Variants in CFH observed in about 807,000 individuals in gnomAD.
CFH encodes complement factor H.
Under a neutral mutation model 147.3 loss-of-function variants are expected in CFH, and 53 were observed. The observed-to-expected ratio is 0.36, with a 90% CI of 0.29 to 0.45. The LOEUF (loss-of-function observed/expected upper bound fraction) is 0.45. Among genes scored for constraint, CFH ranks in the 20% least tolerant of loss-of-function variants. The pLI, the probability that CFH is intolerant of heterozygous loss-of-function variation, is 1.00. For synonymous variants in CFH, 536 were observed against 489.4 expected, an observed-to-expected ratio of 1.10 and a Z score of -1.26; for missense variants, 1,380 against 1,498.0, an observed-to-expected ratio of 0.92 and a Z score of 1.30.
intron 9 of CFH, among the ~76,000 whole-genome samples, chr1:196,712,166 A>G (rs1427689552): frequency 1.3e-5 from 2 of 152,050 alleles, no homozygotes; most frequent in African/African-American, 4.8e-5. Flanking sequence ...CCAATGTCTG[A>G]AAATGTTATT....
Position 196,673,089 on chromosome 1 carries a change from G to T in CFH, c.170G>T (p.Arg57Ile). The part of the protein sequence containing the change: ...QAIYKCRPGY[R>I]SLGNVIMVCR... ...ATCTATAAATGCCGCCCTGGATATA[G>T]ATCTCTTGGAAATGTAATAATGGTA... Residue 57 changes from arginine (R) to isoleucine (I), a missense_variant, in exon 2 of 22, where the codon AGA (arginine) becomes ATA (isoleucine). Coordinates refer to ENST00000367429, the MANE Select transcript of CFH (RefSeq NM_000186.4). The T allele has an allele frequency of 6.2e-7, 1 of 1,614,004 alleles. No individual in the cohort carries two copies. The highest frequency in any genetic ancestry group is 8.5e-7 in the Non-Finnish European group (1 of 1,179,918).
Position 196,675,972 on chromosome 1 carries a change from T to A in CFH, c.351-17T>A. 6.4e-7 allele frequency: 1 copy of A among 1,568,434 alleles called. No individual in the cohort carries two copies. The highest frequency in any genetic ancestry group is 8.8e-7 in the Non-Finnish European group (1 of 1,139,286). On this transcript the variant is annotated splice_polypyrimidine_tract_variant and intron_variant, in intron 3 of 21. Coordinates refer to ENST00000367429, the MANE Select transcript of CFH (RefSeq NM_000186.4). ...AACACACATTATGTCAACGTTCTGTTATTTTTTGGTTTTCAGGTATCAATT... is the reference window on the plus strand; with the variant it reads ...AACACACATTATGTCAACGTTCTGTAATTTTTTGGTTTTCAGGTATCAATT...
intron 1 of CFH, among the ~76,000 whole-genome samples, chr1:196,666,483 T>G (rs1217012768): frequency 6.6e-6 from 1 of 152,024 alleles, no homozygotes; most frequent in African/African-American, 2.4e-5. Flanking sequence ...CTTTAACTCA[T>G]GAGTTATTTA....
chr1:196,689,900 T>C (rs557940634), intron 8 of CFH, among the ~76,000 whole-genome samples, 163 bp from the exon 9 acceptor site: 3 of 152,144 alleles, frequency 2.0e-5, no homozygotes, highest in African/African-American at 7.2e-5. Context: ...TTTCTTTTTG[T>C]GCAAACCTTT....
intron 19 of CFH, among the ~76,000 whole-genome samples, chr1:196,742,656 T>G (rs1652849936): frequency 6.6e-6 from 1 of 152,146 alleles, no homozygotes; most frequent in Non-Finnish European, 1.5e-5. Context: ...TTCCGTAAGC[T>G]CATTCTAGAC....
At chr1:196,744,240 C>A (rs1415875222) in intron 20 of CFH, among the ~76,000 whole-genome samples, 3 of 151,682 alleles carry the variant, frequency 2.0e-5, no homozygotes, top group African/African-American at 7.3e-5. Context: ...TTTTTGTAGA[C>A]AGCATATAGT....
At chr1:196,688,913 T>C (rs1233053262) in intron 7 of CFH, among the ~76,000 whole-genome samples, 1 of 152,066 alleles carries the variant, frequency 6.6e-6, no homozygotes. Flanking sequence ...GCCCAGCCCA[T>C]GAATTCAATC....
intron 9 of CFH, among the ~76,000 whole-genome samples, chr1:196,706,799 C>G (rs1006095613): frequency 6.6e-6 from 1 of 152,106 alleles, no homozygotes; most frequent in Non-Finnish European, 1.5e-5. Flanking sequence ...GACTGGTCCT[C>G]CACCCCCAGT....
At chr1:196,684,463 A>G (rs1004235109) in intron 6 of CFH, among the ~76,000 whole-genome samples, 2 of 151,978 alleles carry the variant, frequency 1.3e-5, no homozygotes, top group Non-Finnish European at 2.9e-5. Context: ...GACTTTACTC[A>G]TTGTATTAAT....
At chr1:196,745,333 T>A (rs1652963181) in intron 20 of CFH, among the ~76,000 whole-genome samples, 1 of 152,112 alleles carries the variant, frequency 6.6e-6, no homozygotes, top group Admixed American at 6.5e-5. Flanking sequence ...TCAGTTCAGT[T>A]TTTTGTTTTC....
intron 6 of CFH, among the ~76,000 whole-genome samples, chr1:196,683,216 G>T (rs1667715132): frequency 6.6e-6 from 1 of 151,540 alleles, no homozygotes; most frequent in Admixed American, 6.6e-5. Flanking sequence ...AATATATAAG[G>T]TAATGGAGAA....
chr1:196,657,082 C>T (rs550893016), intron 1 of CFH, among the ~76,000 whole-genome samples: 16 of 152,194 alleles, frequency 1.1e-4, no homozygotes, highest in African/African-American at 3.9e-4. Context: ...GCTTCCAACA[C>T]CTGGGCTCAA....
intron 9 of CFH, among the ~76,000 whole-genome samples, chr1:196,693,545 CT>C (rs1668139375): frequency 2.0e-5 from 3 of 152,070 alleles, no homozygotes; most frequent in African/African-American, 7.2e-5. Flanking sequence ...TGGAATACTA[CT>C]AAGTGACTAA....
intron 7 of CFH, among the ~76,000 whole-genome samples, chr1:196,687,985 A>C (rs150073367): frequency 1.3e-5 from 2 of 152,130 alleles, no homozygotes; most frequent in African/African-American, 4.8e-5. Flanking sequence ...ATAAATGTAG[A>C]AACTACATGA....
intron 1 of CFH, among the ~76,000 whole-genome samples, chr1:196,667,376 T>C (rs1667136399): frequency 6.6e-6 from 1 of 152,196 alleles, no homozygotes; most frequent in South Asian, 2.1e-4. Context: ...CAGCAAACAT[T>C]GTTCAGACAC....
At chr1:196,711,938 T>C (rs972882426) in intron 9 of CFH, among the ~76,000 whole-genome samples, 1 of 152,092 alleles carries the variant, frequency 6.6e-6, no homozygotes, top group African/African-American at 2.4e-5. Context: ...CACTCCATAG[T>C]TTCTTCTTTT....
rs74134396 is a variant in CFH at position 196,674,478 on chromosome 1, A to G, written c.350+516A>G. 5.3e-3 allele frequency among the ~76,000 whole-genome samples: 808 copies of G among 152,194 alleles called. 13 individuals carry two copies. Among genetic ancestry groups the G allele is most frequent in the African/African-American group, 0.018 (740 of 41,536 alleles). On this transcript the variant is annotated intron_variant, in intron 3 of 21. Transcript: ENST00000367429. ...AAATACTACTCTTTCAGAATCATTG[A>G]CTCTGTTCCTTCTAACCAACTACTG... is the stretch of plus-strand genomic sequence containing the variant.
At chr1:196,722,750 C>T (rs532896998) in intron 11 of CFH, among the ~76,000 whole-genome samples, 1 of 152,140 alleles carries the variant, frequency 6.6e-6, no homozygotes, top group South Asian at 2.1e-4. Flanking sequence ...CGTCATTTTT[C>T]TCAAAACCTT....
At chr1:196,709,870 A>AT (rs1179464334) in intron 9 of CFH, among the ~76,000 whole-genome samples, 1 of 152,106 alleles carries the variant, frequency 6.6e-6, no homozygotes, top group Non-Finnish European at 1.5e-5. Context: ...TTAGCCGGGC[A>AT]TTATGGCACA....
Sources: allele counts gnomAD v4.1 joint callset (sites outside exome capture counted in the v4.1 genomes callset), GRCh38; gene constraint gnomAD v4.1.1; transcripts MANE v1.5; gene names NCBI Gene and HGNC (gene_info 2026-07-23, HGNC 2026-07-21).